MACROD2: variants seen among roughly 807,000 people sequenced by gnomAD.
The protein encoded by MACROD2 is mono-ADP ribosylhydrolase 2.
MACROD2 carries 36 observed loss-of-function variants against 70.4 expected under a neutral mutation model. The ratio of observed to expected loss-of-function variants is 0.51; its 90% CI spans 0.39 to 0.68. The LOEUF (loss-of-function observed/expected upper bound fraction) is 0.68, where lower values mean the gene tolerates loss of function less well. Among genes scored for constraint, MACROD2 ranks in the 30% least tolerant of loss-of-function variants. MACROD2 has a pLI of 0.00. For synonymous variants in MACROD2, 172 were observed against 178.8 expected (o/e 0.96, Z 0.30); for missense variants, 496 against 538.4 (o/e 0.92, Z 0.78).
chr20:14,351,836 C>T (rs1355505500), intron 3 of MACROD2, among the ~76,000 whole-genome samples: 1 of 152,120 alleles, frequency 6.6e-6, no homozygotes. Context: ...GAAAGGCTTT[C>T]CTCACTCAGT....
intron 3 of MACROD2, among the ~76,000 whole-genome samples, chr20:14,117,776 T>C (rs1472835082): frequency 6.6e-6 from 1 of 152,178 alleles, no homozygotes; most frequent in East Asian, 1.9e-4. Flanking sequence ...ATTTGGTATC[T>C]TGAAATATAG....
At chr20:14,526,757 A>G (rs1252206025) in intron 4 of MACROD2, among the ~76,000 whole-genome samples, 1 of 152,152 alleles carries the variant, frequency 6.6e-6, no homozygotes, top group Non-Finnish European at 1.5e-5. Flanking sequence ...AGGGGAGCAT[A>G]CAAACTGACA....
At chr20:14,521,697 G>GT (rs1342024714) in intron 4 of MACROD2, among the ~76,000 whole-genome samples, 4 of 152,038 alleles carry the variant, frequency 2.6e-5, no homozygotes, top group African/African-American at 9.7e-5. Flanking sequence ...TTTTATATTT[G>GT]TTTTTTGTTT....
At chr20:15,957,578 T>C (rs918289272) in intron 12 of MACROD2, among the ~76,000 whole-genome samples, 2 of 152,188 alleles carry the variant, frequency 1.3e-5, no homozygotes, top group Non-Finnish European at 2.9e-5. Context: ...CAGCTGACTT[T>C]GGACTAATCT....
intron 5 of MACROD2, among the ~76,000 whole-genome samples, chr20:15,075,563 C>T (rs953616172): frequency 6.6e-6 from 1 of 152,212 alleles, no homozygotes; most frequent in Admixed American, 6.5e-5. Flanking sequence ...CTGTCTATAA[C>T]ATCATCTTCA....
intron 7 of MACROD2, among the ~76,000 whole-genome samples, chr20:15,458,406 A>AT (rs1374760172): frequency 6.6e-6 from 1 of 152,122 alleles, no homozygotes; most frequent in African/African-American, 2.4e-5. Context: ...CTTTGCTTTC[A>AT]TGAAGCTGCT....
chr20:15,159,273 T>C lies in MACROD2; in HGVS notation c.419-70667T>C, dbSNP rs564563094. Reference sequence around the variant, plus strand: ...ACGAAAGTATGACCTTTAGGAAAACTCTTCTCCCCTATTTTCTTCTGATTT... The same window carrying C: ...ACGAAAGTATGACCTTTAGGAAAACCCTTCTCCCCTATTTTCTTCTGATTT... On this transcript the variant is annotated intron_variant, in intron 5 of 17. Transcript: ENST00000684519. Among the ~76,000 whole-genome samples the C allele has an allele frequency of 8.5e-5, 13 of 152,234 alleles. No individual in the cohort carries two copies. The East Asian group carries it at 2.5e-3, about 29-fold the overall frequency.
At chr20:15,798,273 G>A (rs112153152) in intron 8 of MACROD2, among the ~76,000 whole-genome samples, 3 of 152,164 alleles carry the variant, frequency 2.0e-5, no homozygotes, top group African/African-American at 7.2e-5. Flanking sequence ...AGATCCAAAT[G>A]CCTGTGATTG....
intron 6 of MACROD2, among the ~76,000 whole-genome samples, chr20:15,242,762 A>T (rs1244771130): frequency 6.6e-6 from 1 of 152,224 alleles, no homozygotes; most frequent in Non-Finnish European, 1.5e-5. Flanking sequence ...TTTGGTTTTT[A>T]AATTAAAAAT....
intron 7 of MACROD2, among the ~76,000 whole-genome samples, chr20:15,485,440 T>G (rs770322703): frequency 7.2e-5 from 11 of 152,122 alleles, no homozygotes; most frequent in Non-Finnish European, 1.3e-4. Flanking sequence ...CCTGGCACAT[T>G]ACAACTCCAG....
chr20:15,342,799 C>T (rs533360056), intron 6 of MACROD2, among the ~76,000 whole-genome samples: 3 of 152,076 alleles, frequency 2.0e-5, no homozygotes, highest in East Asian at 1.9e-4. Flanking sequence ...ATTGGTGGTA[C>T]GGGAATATAT....
intron 5 of MACROD2, among the ~76,000 whole-genome samples, chr20:15,088,395 TTTTATATATATA>T (rs2075764555): frequency 3.9e-5 from 4 of 103,270 alleles, no homozygotes; most frequent in South Asian, 4.4e-4. Context: ...ATATACTATA[TTTTATATATATA>T]TATATATATA....
chr20:15,019,177 G>A (rs1165104762), intron 5 of MACROD2, among the ~76,000 whole-genome samples: 8 of 151,964 alleles, frequency 5.3e-5, no homozygotes, highest in Non-Finnish European at 7.4e-5. Context: ...GCGCGCGCGC[G>A]CGGAGAGAGT....
At chr20:14,721,523 C>T (rs1000733962) in intron 5 of MACROD2, among the ~76,000 whole-genome samples, 3 of 152,082 alleles carry the variant, frequency 2.0e-5, no homozygotes, top group Non-Finnish European at 4.4e-5. Context: ...GGGGCAAGTA[C>T]AATTAGTCCT....
intron 8 of MACROD2, among the ~76,000 whole-genome samples, chr20:15,520,403 C>G (rs1292497693): frequency 6.6e-6 from 1 of 152,194 alleles, no homozygotes; most frequent in Admixed American, 6.5e-5. Context: ...GTCAAAGTGC[C>G]AATGAACCAA....
intron 3 of MACROD2, among the ~76,000 whole-genome samples, chr20:14,167,066 C>T (rs1232997161): frequency 6.6e-6 from 1 of 152,136 alleles, no homozygotes; most frequent in Non-Finnish European, 1.5e-5. Flanking sequence ...AGCACATGTA[C>T]TCTTTAACAT....
chr20:14,763,725 G>A (rs989678920), intron 5 of MACROD2, among the ~76,000 whole-genome samples: 5 of 152,084 alleles, frequency 3.3e-5, no homozygotes, highest in Non-Finnish European at 5.9e-5. Context: ...CAGGTTAAAA[G>A]GAAGAGGAAG....
At chr20:15,936,671 G>GTATGTATATATATATATATATATA (rs1555797418) in intron 11 of MACROD2, among the ~76,000 whole-genome samples, 4 of 143,268 alleles carry the variant, frequency 2.8e-5, no homozygotes, top group Non-Finnish European at 6.0e-5. Flanking sequence ...GTATATGTGT[G>GTATGTATATATATATATATATATA]TATATATATA....
chr20:15,762,629 T>C (rs963500626), intron 8 of MACROD2, among the ~76,000 whole-genome samples: 3 of 152,204 alleles, frequency 2.0e-5, no homozygotes, highest in African/African-American at 4.8e-5. Flanking sequence ...CAGGCTTTCA[T>C]TGGCCTTGGT....
Sources: allele counts gnomAD v4.1 joint callset (sites outside exome capture counted in the v4.1 genomes callset), GRCh38; gene constraint gnomAD v4.1.1; transcripts MANE v1.5; gene names NCBI Gene and HGNC (gene_info 2026-07-23, HGNC 2026-07-21).